CEP128: variants seen among roughly 807,000 people sequenced by gnomAD.
CEP128 encodes the protein centrosomal protein 128.
CEP128 carries 132 observed loss-of-function variants against 156.7 expected under a neutral mutation model. The observed-to-expected ratio is 0.84, with a 90% confidence interval of 0.73 to 0.97. CEP128 has a LOEUF of 0.97. Among genes scored for constraint, CEP128 ranks in the 50% least tolerant of loss-of-function variants. The pLI, the probability that CEP128 is intolerant of heterozygous loss-of-function variation, is 0.00. For synonymous variants in CEP128, 469 were observed against 448.9 expected (o/e 1.04, Z -0.57); for missense variants, 1,252 against 1,281.9 (o/e 0.98, Z 0.36).
At chr14:80,646,350 C>CTTT (rs761293316) in intron 19 of CEP128, among the ~76,000 whole-genome samples, 1 of 150,192 alleles carries the variant, frequency 6.7e-6, no homozygotes. Context: ...AAAATGAAGT[C>CTTT]ATTTTTTTTT....
intron 16 of CEP128, among the ~76,000 whole-genome samples, chr14:80,776,294 C>T (rs956595260): frequency 1.3e-5 from 2 of 151,806 alleles, no homozygotes; most frequent in Non-Finnish European, 2.9e-5. Context: ...AGAACTACAA[C>T]CTGCCAATAG....
intron 16 of CEP128, among the ~76,000 whole-genome samples, chr14:80,763,490 G>T (rs1036262044): frequency 6.6e-6 from 1 of 152,092 alleles, no homozygotes; most frequent in African/African-American, 2.4e-5. Flanking sequence ...GTCTCTAGGT[G>T]ATATTTGCCT....
chr14:80,957,774 T>G (rs2268451), intron 2 of CEP128: 75,873 of 152,098 alleles, frequency 0.5, 20,489 homozygotes, highest in African/African-American at 0.71. Flanking sequence ...TTGTGTAAGA[T>G]GACTGATTTG....
chr14:80,488,540 T>G (rs1326433933), downstream of CEP128, among the ~76,000 whole-genome samples: 1 of 151,798 alleles, frequency 6.6e-6, no homozygotes, highest in Non-Finnish European at 1.5e-5. Flanking sequence ...TTGGTGGGAC[T>G]GTAAACTAGT....
chr14:80,879,456 C>A (rs1888428011), intron 8 of CEP128, among the ~76,000 whole-genome samples: 1 of 151,444 alleles, frequency 6.6e-6, no homozygotes, highest in South Asian at 2.1e-4. Context: ...AACAGGAAAA[C>A]AACTCATGAT....
chr14:80,785,274 T>A lies in CEP128; in HGVS notation c.1832A>T (p.His611Leu), dbSNP rs1460693823. 6.2e-7 allele frequency: 1 copy of A among 1,614,070 alleles called. No homozygotes were observed. The highest frequency in any genetic ancestry group is 8.5e-7 in the Non-Finnish European group (1 of 1,180,016). ...GAGCTCTGCAATTTCTTCCTCCAAG[T>A]GAGCTTTCTCAACTTTCATCTGGCT... Reference protein sequence around the residue: ...IQSQMKVEKAHLEEEIAELKK... With the variant: ...IQSQMKVEKALLEEEIAELKK... Residue 611 changes from histidine to leucine, a missense_variant, in exon 15 of 25, where the codon CAC (histidine) becomes CTC (leucine). Physicochemically the swap from His to Leu is moderately conservative, Grantham distance 99 (BLOSUM62 -3). Coordinates refer to ENST00000555265, the MANE Select transcript of CEP128 (RefSeq NM_152446.5).
intron 18 of CEP128, among the ~76,000 whole-genome samples, chr14:80,751,234 T>A (rs1484224556): frequency 2.6e-5 from 4 of 152,246 alleles, no homozygotes; most frequent in Non-Finnish European, 5.9e-5. Context: ...TACGAAGACT[T>A]TATTCCATTG....
chr14:80,908,374 A>C (rs1884013922), intron 4 of CEP128, among the ~76,000 whole-genome samples: 1 of 151,734 alleles, frequency 6.6e-6, no homozygotes, highest in Non-Finnish European at 1.5e-5. Flanking sequence ...ATATTTTTTC[A>C]ATCTTTCATT....
chr14:80,818,562 T>C (rs1267036656), intron 13 of CEP128, among the ~76,000 whole-genome samples: 1 of 152,216 alleles, frequency 6.6e-6, no homozygotes, highest in Non-Finnish European at 1.5e-5. Flanking sequence ...AAGACAGCCA[T>C]CTAGAGGTAG....
At chr14:80,756,666 T>C (rs1899674407) in intron 18 of CEP128, among the ~76,000 whole-genome samples, 1 of 152,174 alleles carries the variant, frequency 6.6e-6, no homozygotes, top group Non-Finnish European at 1.5e-5. Flanking sequence ...ATTTCAACAG[T>C]TTTACTTTCC....
chr14:80,735,837 T>C (rs1000639703), intron 19 of CEP128, among the ~76,000 whole-genome samples: 6 of 152,152 alleles, frequency 3.9e-5, no homozygotes, highest in Admixed American at 1.3e-4. Flanking sequence ...CCCTCTTCCA[T>C]CTTCAATAAG....
chr14:80,888,583 C>T (rs1261459769), intron 8 of CEP128, among the ~76,000 whole-genome samples: 1 of 152,140 alleles, frequency 6.6e-6, no homozygotes, highest in Non-Finnish European at 1.5e-5. Context: ...TTCAACAGCG[C>T]TTCATGCTAA....
chr14:80,533,799 T>C (rs1470506486), intron 21 of CEP128, among the ~76,000 whole-genome samples: 1 of 152,218 alleles, frequency 6.6e-6, no homozygotes, highest in Non-Finnish European at 1.5e-5. Context: ...AAACACTTTC[T>C]GGTACACATA....
At chr14:80,680,325 G>A (rs928928150) in intron 19 of CEP128, among the ~76,000 whole-genome samples, 4 of 152,138 alleles carry the variant, frequency 2.6e-5, no homozygotes, top group African/African-American at 9.7e-5. Context: ...CCACCCTGAA[G>A]CAGAAAGCCA....
At chr14:80,776,541 T>C (rs1325785838) in intron 16 of CEP128, among the ~76,000 whole-genome samples, 1 of 147,898 alleles carries the variant, frequency 6.8e-6, no homozygotes, top group African/African-American at 2.4e-5. Context: ...TATATATTAA[T>C]TATATATATT....
intron 19 of CEP128, among the ~76,000 whole-genome samples, chr14:80,676,428 T>C (rs572558153): frequency 1.3e-5 from 2 of 148,258 alleles, no homozygotes; most frequent in Non-Finnish European, 3.0e-5. Flanking sequence ...ACTTTCATTA[T>C]TTCTATTAAT....
At chr14:80,839,991 G>A (rs17542712) in intron 10 of CEP128, among the ~76,000 whole-genome samples, 60,980 of 151,814 alleles carry the variant, frequency 0.4, 13,026 homozygotes, top group Non-Finnish European at 0.47. Flanking sequence ...AACATACTTC[G>A]CTTACCCTAA....
chr14:80,735,969 AT>A (rs989004881), intron 19 of CEP128, among the ~76,000 whole-genome samples: 2 of 152,036 alleles, frequency 1.3e-5, no homozygotes, highest in Non-Finnish European at 2.9e-5. Flanking sequence ...TAGAACCTTA[AT>A]TTTTTCCAGC....
intron 16 of CEP128, among the ~76,000 whole-genome samples, chr14:80,776,541 T>TTA (rs969267040): frequency 6.8e-6 from 1 of 147,898 alleles, no homozygotes; most frequent in Non-Finnish European, 1.5e-5. Flanking sequence ...TATATATTAA[T>TTA]TATATATATT....
Sources: gnomAD v4.1 joint callset for allele counts (sites outside exome capture counted in the v4.1 genomes callset) on GRCh38, gnomAD v4.1.1 for gene constraint, MANE v1.5 for transcripts, NCBI Gene and HGNC (gene_info 2026-07-23, HGNC 2026-07-21) for gene names.